Variants in MACROD2 observed in about 807,000 individuals in gnomAD.
MACROD2 encodes mono-ADP ribosylhydrolase 2.
Under a neutral mutation model 70.4 loss-of-function variants are expected in MACROD2, and 36 were observed. The observed-to-expected ratio is 0.51, with a 90% confidence interval of 0.39 to 0.68. The LOEUF (loss-of-function observed/expected upper bound fraction) is 0.68, where lower values mean the gene tolerates loss of function less well. Among genes scored for constraint, MACROD2 ranks in the 30% least tolerant of loss-of-function variants. MACROD2 has a pLI of 0.00. For synonymous variants in MACROD2, 172 were observed against 178.8 expected, an observed-to-expected ratio of 0.96 and a Z score of 0.30; for missense variants, 496 against 538.4, an observed-to-expected ratio of 0.92 and a Z score of 0.78.
At chr20:14,421,323 G>T (rs2083874012) in intron 3 of MACROD2, among the ~76,000 whole-genome samples, 2 of 152,290 alleles carry the variant, frequency 1.3e-5, no homozygotes. Context: ...GAAATCACCA[G>T]CAGAAACCTT....
intron 8 of MACROD2, among the ~76,000 whole-genome samples, chr20:15,601,162 A>G (rs1302933065): frequency 1.3e-5 from 2 of 152,192 alleles, no homozygotes; most frequent in Admixed American, 6.5e-5. Flanking sequence ...CATTCTCACT[A>G]CTGACTCCCT....
intron 4 of MACROD2, among the ~76,000 whole-genome samples, chr20:14,650,469 T>A (rs1386899960): frequency 6.6e-6 from 1 of 152,236 alleles, no homozygotes; most frequent in Non-Finnish European, 1.5e-5. Flanking sequence ...ATTAAGGAGA[T>A]CAGAATATAT....
intron 5 of MACROD2, among the ~76,000 whole-genome samples, chr20:14,941,894 C>G (rs144740610): frequency 1.8e-4 from 28 of 151,866 alleles, no homozygotes; most frequent in Non-Finnish European, 3.7e-4. Flanking sequence ...AGCAATCCTT[C>G]CATCTCAGCC....
intron 4 of MACROD2, among the ~76,000 whole-genome samples, chr20:14,620,683 A>G (rs1261977862): frequency 6.6e-6 from 1 of 152,074 alleles, no homozygotes; most frequent in African/African-American, 2.4e-5. Context: ...TTATAGCTGC[A>G]GGATGTGGTT....
chr20:15,747,295 A>G (rs1201443133), intron 8 of MACROD2, among the ~76,000 whole-genome samples: 1 of 152,154 alleles, frequency 6.6e-6, no homozygotes, highest in African/African-American at 2.4e-5. Context: ...CCTGACTGCA[A>G]TACTCTTCAA....
chr20:14,065,390 C>T (rs2053743659), intron 2 of MACROD2, among the ~76,000 whole-genome samples: 1 of 152,168 alleles, frequency 6.6e-6, no homozygotes. Flanking sequence ...AAGAAGCTTT[C>T]TTCTTTATTT....
At chr20:15,500,535 G>A (rs541746432) in intron 8 of MACROD2, among the ~76,000 whole-genome samples, 6 of 152,248 alleles carry the variant, frequency 3.9e-5, no homozygotes, top group African/African-American at 1.2e-4. Flanking sequence ...ACAGCTAGGA[G>A]GTTTCAGGCA....
At chr20:15,248,986 A>C (rs1490056425) in intron 6 of MACROD2, among the ~76,000 whole-genome samples, 1 of 152,216 alleles carries the variant, frequency 6.6e-6, no homozygotes, top group Non-Finnish European at 1.5e-5. Flanking sequence ...GACAGGGAAG[A>C]AGCAAAACCA....
chr20:15,778,036 A>G (rs553881378), intron 8 of MACROD2, among the ~76,000 whole-genome samples: 1 of 152,296 alleles, frequency 6.6e-6, no homozygotes, highest in Non-Finnish European at 1.5e-5. Flanking sequence ...ATTGTTTGCT[A>G]TGCACAGACA....
intron 8 of MACROD2, among the ~76,000 whole-genome samples, chr20:15,791,395 A>C (rs2063623542): frequency 6.6e-6 from 1 of 151,952 alleles, no homozygotes; most frequent in African/African-American, 2.4e-5. Flanking sequence ...TATAAAAAAA[A>C]CCATGTGTCA....
intron 3 of MACROD2, among the ~76,000 whole-genome samples, chr20:14,238,115 G>T (rs1393843788): frequency 6.6e-6 from 1 of 152,106 alleles, no homozygotes; most frequent in Non-Finnish European, 1.5e-5. Flanking sequence ...CTGAGGAATT[G>T]CCACACTGAC....
At chr20:15,479,295 C>T (rs1233779494) in intron 7 of MACROD2, among the ~76,000 whole-genome samples, 7 of 105,996 alleles carry the variant, frequency 6.6e-5, no homozygotes, top group East Asian at 5.8e-4. Context: ...TTTTTTGAGA[C>T]GGAGTCTCGC....
At chr20:14,817,405 T>C (rs1394187654) in intron 5 of MACROD2, among the ~76,000 whole-genome samples, 24 of 152,054 alleles carry the variant, frequency 1.6e-4, no homozygotes, top group Non-Finnish European at 5.9e-5. Context: ...GAAAACCACA[T>C]GTAAAAGACA....
intron 3 of MACROD2, among the ~76,000 whole-genome samples, chr20:14,440,142 T>G (rs1045660137): frequency 6.6e-6 from 1 of 152,196 alleles, no homozygotes; most frequent in African/African-American, 2.4e-5. Context: ...TGGAATTGGC[T>G]TCTGATTCTT....
At chr20:14,679,488 T>C (rs576051316) in intron 4 of MACROD2, among the ~76,000 whole-genome samples, 15 of 152,314 alleles carry the variant, frequency 9.8e-5, no homozygotes, top group Admixed American at 6.5e-4. Context: ...CTAAACACCT[T>C]AATTTGGAAT....
intron 4 of MACROD2, among the ~76,000 whole-genome samples, chr20:14,656,280 A>G (rs1178113986): frequency 6.6e-6 from 1 of 152,206 alleles, no homozygotes. Context: ...TCAGAGGAAG[A>G]AACTGAGTAC....
At chr20:15,479,940 G>A (rs758700984) in intron 7 of MACROD2, among the ~76,000 whole-genome samples, 1 of 152,064 alleles carries the variant, frequency 6.6e-6, no homozygotes, top group African/African-American at 2.4e-5. Context: ...ATGTTTTAAG[G>A]GTCATTTTGT....
intron 7 of MACROD2, among the ~76,000 whole-genome samples, chr20:15,439,123 T>C (rs1347606102): frequency 6.6e-6 from 1 of 152,158 alleles, no homozygotes; most frequent in Non-Finnish European, 1.5e-5. Flanking sequence ...CCCTTTGTGG[T>C]TTATTACAGC....
chr20:14,269,141 C>T (rs2082169070), intron 3 of MACROD2, among the ~76,000 whole-genome samples: 2 of 152,186 alleles, frequency 1.3e-5, no homozygotes. Flanking sequence ...TTTGCATTGC[C>T]TTATTGTGTG....
Sources: allele counts gnomAD v4.1 joint callset (sites outside exome capture counted in the v4.1 genomes callset), GRCh38; gene constraint gnomAD v4.1.1; transcripts MANE v1.5; gene names NCBI Gene and HGNC (gene_info 2026-07-23, HGNC 2026-07-21).